The following GPX5 variants were observed in gnomAD, a reference collection of about 807,000 sequenced individuals.
The protein encoded by GPX5 is epididymal secretory glutathione peroxidase.
In GPX5, 20 loss-of-function variants were observed where a neutral mutation model predicts 23.8. The observed-to-expected ratio is 0.84, with a 90% CI of 0.59 to 1.22. The LOEUF (loss-of-function observed/expected upper bound fraction) is 1.22. Among genes scored for constraint, GPX5 ranks in the 50% most tolerant of loss-of-function variants. The probability of loss-of-function intolerance (pLI) is 0.00; values close to 1 mark genes in which losing one functional copy is unlikely to be tolerated. For synonymous variants in GPX5, 92 were observed against 99.5 expected (o/e 0.92, Z 0.45); for missense variants, 230 against 266.6 (o/e 0.86, Z 0.96).
At chr6:28,533,120 C>CA (rs1401443038) in intron 4 of GPX5, among the ~76,000 whole-genome samples, 2 of 151,582 alleles carry the variant, frequency 1.3e-5, no homozygotes, top group Admixed American at 1.3e-4. Flanking sequence ...GACACTGTCT[C>CA]AAAAAAACAA....
Position 28,533,960 on chromosome 6 carries a change from G to T in GPX5, c.460-1G>T. ...TTCTCTTTTCCATCTCTCTGGTTTA[G>T]CACTCCTGTCCTCATCCCTCTGAGA... On this transcript the variant is annotated splice_acceptor_variant, in intron 4 of 4. Transcript: ENST00000412168. LOFTEE classifies it high-confidence loss of function. The T allele has an allele frequency of 6.6e-7, 1 of 1,515,178 alleles. No homozygotes were observed. The highest frequency in any genetic ancestry group is 8.8e-7 in the Non-Finnish European group (1 of 1,130,088). The allele number at this position is 1,515,178 out of a possible 1,614,324, so 93.9% of individuals were successfully genotyped here. A position where few individuals can be genotyped will look rare whatever the true frequency, so the allele number is the denominator to read the frequency against.
In GPX5 at chr6:28,529,558, C is replaced by T. The variant is rs749307181; in HGVS notation, c.195C>T (p.Leu65=). The T allele has an allele frequency of 6.2e-7, 1 of 1,612,694 alleles. No individual in the cohort carries two copies. The highest frequency in any genetic ancestry group is 1.3e-5 in the African/African-American group (1 of 75,006). The change falls in exon 2 of 5, where the codon CTC becomes CTT. Residue 65 remains leucine, a synonymous_variant. Coordinates refer to ENST00000412168, the MANE Select transcript of GPX5 (RefSeq NM_001509.3). ...SFKQYVGKHI[L]FVNVATYCGL... ...AGCAGTATGTGGGCAAGCACATCCT[C>T]TTCGTCAACGTGGCCACCTACTGTG...
chr6:28,525,925 T>G lies in GPX5; in HGVS notation c.-89T>G, dbSNP rs551171731. 3 of 951,146 alleles carry G rather than the reference T, an allele frequency of 3.2e-6. No individual in the cohort carries two copies. Among genetic ancestry groups the G allele is most frequent in the Middle Eastern group, 3.3e-4 (1 of 3,062 alleles). The allele number at this position is 951,146 out of a possible 1,614,324, so 58.9% of individuals were successfully genotyped here. ...AGCCCTGTGACTGGCCTGTGGGGGC[T>G]TGGGCTAAGTCCCTGCCAAGATACC... On this transcript the variant is annotated 5_prime_UTR_variant, in exon 1 of 5. Coordinates refer to ENST00000412168, the MANE Select transcript of GPX5 (RefSeq NM_001509.3).
rs573664151 is a variant in GPX5, at chr6:28,532,508, T to C, written c.459+88T>C. ...TGGCAGAAATGGATCCAAGGGCTCATGCCCAGAGGTGGGATTGGTCTTTGT... is the reference window on the plus strand; with the variant it reads ...TGGCAGAAATGGATCCAAGGGCTCACGCCCAGAGGTGGGATTGGTCTTTGT... On this transcript the variant is annotated intron_variant, in intron 4 of 4. Coordinates refer to ENST00000412168, the MANE Select transcript of GPX5 (RefSeq NM_001509.3). The C allele has an allele frequency of 1.5e-4, 122 of 841,342 alleles. 1 individual carries two copies. The South Asian group carries it at 1.9e-3, about 13-fold the overall frequency. 52.1% of individuals were successfully genotyped at this position (841,342 alleles called of 1,614,324 possible).
chr6:28,528,843 A>C (rs374936901), intron 1 of GPX5, among the ~76,000 whole-genome samples: 1 of 2,630 alleles, frequency 3.8e-4, no homozygotes, highest in African/African-American at 2.0e-3. Flanking sequence ...ATATATATAT[A>C]TATATATATA....
At chr6:28,527,424 TTTTTCCTC>T (rs1763232260) in intron 1 of GPX5, among the ~76,000 whole-genome samples, 1 of 152,214 alleles carries the variant, frequency 6.6e-6, no homozygotes, top group African/African-American at 2.4e-5. Context: ...GAAAAATATC[TTTTTCCTC>T]AAGAGTAAGA....
At position 28,525,935 on chromosome 6, in the gene GPX5, TC is replaced by T. The variant is rs1317024917; in HGVS notation, c.-76del. ...CTGGCCTGTGGGGGCTTGGGCTAAG[TC>T]CCTGCCAAGATACCAAAAGACTGCA... On this transcript the variant is annotated 5_prime_UTR_variant, in exon 1 of 5. The change abolishes the stop of an existing upstream ORF in the 5' untranslated region. Coordinates refer to ENST00000412168, the MANE Select transcript of GPX5 (RefSeq NM_001509.3). 7 of 1,059,788 alleles carry T rather than the reference TC, an allele frequency of 6.6e-6. No homozygotes were observed. The Admixed American group carries it at 8.5e-5, about 13-fold the overall frequency. The allele number at this position is 1,059,788 out of a possible 1,614,324, so 65.6% of individuals were successfully genotyped here.
In GPX5 at chr6:28,533,320, T is replaced by C. The variant is rs567318606; in HGVS notation, c.460-641T>C. On this transcript the variant is annotated intron_variant, in intron 4 of 4. Transcript: ENST00000412168. ...TAAGACTTTATATATCCTCAATAAA[T>C]TGAAGACAATAGAACAGTGTATCAT... is the stretch of plus-strand genomic sequence containing the variant. 1.2e-4 allele frequency among the ~76,000 whole-genome samples: 19 copies of C among 152,222 alleles called. No individual in the cohort carries two copies. The South Asian group carries it at 3.3e-3, about 27-fold the overall frequency.
intron 1 of GPX5, among the ~76,000 whole-genome samples, chr6:28,529,018 C>T (rs976876425): frequency 3.3e-5 from 5 of 151,464 alleles, no homozygotes; most frequent in African/African-American, 1.2e-4. Context: ...TTAAAATGTA[C>T]AATTAAGTTA....
chr6:28,534,357 T>C lies in GPX5; in HGVS notation c.*190T>C. ...CAAACTAGATTTATATTTGGAAGGC[T>C]ACTGCTCTTTTGCCTCTCAAGAGTA... On this transcript the variant is annotated 3_prime_UTR_variant, in exon 5 of 5. Transcript: ENST00000412168. The C allele has an allele frequency of 2.2e-6, 1 of 461,504 alleles. No homozygotes were observed. The highest frequency in any genetic ancestry group is 3.8e-6 in the Non-Finnish European group (1 of 264,250). 28.6% of individuals were successfully genotyped at this position (461,504 alleles called of 1,614,324 possible).
intron 2 of GPX5, 37 bp downstream of exon 2, chr6:28,529,641 A>G (rs779968548): frequency 6.8e-7 from 1 of 1,473,228 alleles, no homozygotes; most frequent in Admixed American, 2.0e-5. Flanking sequence ...TTGGGACTAA[A>G]TTTTCCAGCT....
At chr6:28,529,388 A>AC in intron 1 of GPX5, 63 bp from the exon 2 acceptor site, 1 of 1,321,244 alleles carries the variant, frequency 7.6e-7, no homozygotes, top group Non-Finnish European at 1.0e-6. Context: ...GACTTCTTTG[A>AC]AAGATTACAC....
In GPX5 at chr6:28,534,090, C is replaced by A. The variant is rs765613212; in HGVS notation, c.589C>A (p.Arg197Ser). The A allele has an allele frequency of 1.9e-6, 3 of 1,612,050 alleles. No individual in the cohort carries two copies. The highest frequency in any genetic ancestry group is 1.1e-5 in the South Asian group (1 of 90,756). Residue 197 changes from arginine to serine, a missense_variant, in exon 5 of 5, where the codon CGC (arginine) becomes AGC (serine). Transcript: ENST00000412168. The stretch of plus-strand genomic sequence containing the variant: ...GGGGCCTGATGGAATCCCTGTCATG[C>A]GCTGGTCCCACCGGGCTACGGTCAG... ...LVGPDGIPVMRWSHRATVSSV... is the reference protein window; with the variant it reads ...LVGPDGIPVMSWSHRATVSSV...
chr6:28,525,881 A>C lies in GPX5; in HGVS notation c.-133A>C. The stretch of plus-strand genomic sequence containing the variant: ...GTTCTGTGATCCTCACCCCGACCTC[A>C]TGCGTCGGGAATCCTTGCAGCCCTG... On this transcript the variant is annotated 5_prime_UTR_variant, in exon 1 of 5. The change abolishes an upstream ATG in the 5' untranslated region. Coordinates refer to ENST00000412168, the MANE Select transcript of GPX5 (RefSeq NM_001509.3). 1 of 714,292 alleles carries C rather than the reference A, an allele frequency of 1.4e-6. No homozygotes were observed. Among genetic ancestry groups the C allele is most frequent in the East Asian group, 2.5e-5 (1 of 40,528 alleles). The allele number at this position is 714,292 out of a possible 1,614,324, so 44.2% of individuals were successfully genotyped here. A position where few individuals can be genotyped will look rare whatever the true frequency, so the allele number is the denominator to read the frequency against.
rs996089947 is a variant in GPX5, at chr6:28,534,819, A to C, written c.*652A>C. 6.6e-6 allele frequency: 1 copy of C among 152,196 alleles called. No homozygotes were observed. Among genetic ancestry groups the C allele is most frequent in the Non-Finnish European group, 1.5e-5 (1 of 68,042 alleles). 9.4% of individuals were successfully genotyped at this position (152,196 alleles called of 1,614,324 possible). On this transcript the variant is annotated 3_prime_UTR_variant, in exon 5 of 5. Coordinates refer to ENST00000412168, the MANE Select transcript of GPX5 (RefSeq NM_001509.3). ...TTCCTAATTGTCTGATCTTTAGTGC[A>C]TTCAGGTTATGGCACCTGGAGAGGA...
Position 28,534,480 on chromosome 6 carries a change from G to A in GPX5, c.*313G>A, listed in dbSNP as rs763388240. ...CACCAGAGGGAAATCATCCTTCCAC[G>A]ACAATGGTTCAGTCGGCCATCACAT... On this transcript the variant is annotated 3_prime_UTR_variant, in exon 5 of 5. Coordinates refer to ENST00000412168, the MANE Select transcript of GPX5 (RefSeq NM_001509.3). 7 of 276,350 alleles carry A rather than the reference G, an allele frequency of 2.5e-5. No individual in the cohort carries two copies. The highest frequency in any genetic ancestry group is 6.4e-5 in the East Asian group (1 of 15,626). 17.1% of individuals were successfully genotyped at this position (276,350 alleles called of 1,614,324 possible). A position where few individuals can be genotyped will look rare whatever the true frequency, so the allele number is the denominator to read the frequency against.
intron 1 of GPX5, chr6:28,527,737 T>A (rs903716642): frequency 6.6e-6 from 1 of 152,184 alleles, no homozygotes; most frequent in Non-Finnish European, 1.5e-5. Context: ...CATATTCCTG[T>A]CATATATATT....
chr6:28,529,178 C>T (rs1763265938), intron 1 of GPX5, among the ~76,000 whole-genome samples: 1 of 151,858 alleles, frequency 6.6e-6, no homozygotes, highest in South Asian at 2.1e-4. Context: ...CTTCTACTCT[C>T]TATCTCCGTG....
At position 28,534,096 on chromosome 6, in the gene GPX5, T is replaced by C. The variant is rs778266328; in HGVS notation, c.595T>C (p.Ser199Pro). ...GPDGIPVMRW[S>P]HRATVSSVKT... is the part of the protein sequence containing the mutation. ...TGATGGAATCCCTGTCATGCGCTGG[T>C]CCCACCGGGCTACGGTCAGCTCAGT... The change falls in exon 5 of 5, where the codon TCC becomes CCC. Residue 199 changes from serine to proline, a missense_variant. Coordinates refer to ENST00000412168, the MANE Select transcript of GPX5 (RefSeq NM_001509.3). 6 of 1,612,074 alleles carry C rather than the reference T, an allele frequency of 3.7e-6. No individual in the cohort carries two copies. Among genetic ancestry groups the C allele is most frequent in the Non-Finnish European group, 5.1e-6 (6 of 1,179,336 alleles).
Sources: allele counts gnomAD v4.1 joint callset (sites outside exome capture counted in the v4.1 genomes callset), GRCh38; gene constraint gnomAD v4.1.1; transcripts MANE v1.5; gene names NCBI Gene and HGNC (gene_info 2026-07-23, HGNC 2026-07-21).